BTRC: variants seen among roughly 807,000 people sequenced by gnomAD.
BTRC encodes beta-transducin repeat containing E3 ubiquitin protein ligase, also known as F-box/WD repeat-containing protein 1A.
Under a neutral mutation model 85.5 loss-of-function variants are expected in BTRC, and 42 were observed. The observed-to-expected ratio is 0.49, with a 90% CI of 0.38 to 0.64. The LOEUF is 0.64. BTRC is among the 30% of genes least tolerant of loss of function. The pLI is 0.00. For missense variants in BTRC, 594 were observed against 743.5 expected, an observed-to-expected ratio of 0.80 and a Z score of 2.34; for synonymous variants, 255 against 263.3, an observed-to-expected ratio of 0.97 and a Z score of 0.30.
chr10:101,476,322 T>C (rs1206656269), intron 3 of BTRC, among the ~76,000 whole-genome samples: 1 of 152,098 alleles, frequency 6.6e-6, no homozygotes, highest in Admixed American at 6.5e-5. Context: ...AAAAGGACAT[T>C]AGTGGAAAAA....
chr10:101,433,490 A>G (rs956586686), intron 2 of BTRC, among the ~76,000 whole-genome samples: 1 of 152,118 alleles, frequency 6.6e-6, no homozygotes, highest in Non-Finnish European at 1.5e-5. Flanking sequence ...AATGGAGGAG[A>G]AGGAGGACAT....
intron 3 of BTRC, among the ~76,000 whole-genome samples, chr10:101,464,943 T>C (rs908799605): frequency 1.3e-5 from 2 of 152,132 alleles, no homozygotes; most frequent in African/African-American, 2.4e-5. Context: ...CAGGGGTCAA[T>C]AGAAGCGGGT....
At chr10:101,524,610 T>G (rs1300303216) in intron 5 of BTRC, among the ~76,000 whole-genome samples, 1 of 152,172 alleles carries the variant, frequency 6.6e-6, no homozygotes, top group Non-Finnish European at 1.5e-5. Flanking sequence ...AAGACTTATT[T>G]ATAGGTACAT....
chr10:101,498,374 C>T (rs565656726), intron 4 of BTRC, among the ~76,000 whole-genome samples: 29 of 151,994 alleles, frequency 1.9e-4, no homozygotes, highest in African/African-American at 6.7e-4. Flanking sequence ...AGGCTGGTCT[C>T]GAACTCCTGA....
chr10:101,393,751 C>G (rs956572858), intron 1 of BTRC, among the ~76,000 whole-genome samples: 1 of 152,266 alleles, frequency 6.6e-6, no homozygotes, highest in Non-Finnish European at 1.5e-5. Context: ...CACACTCCCC[C>G]ACCCTGGAGG....
intron 2 of BTRC, among the ~76,000 whole-genome samples, chr10:101,440,084 A>C (rs2134108032): frequency 6.6e-6 from 1 of 152,370 alleles, no homozygotes; most frequent in Non-Finnish European, 1.5e-5. Flanking sequence ...CTCATTAGGT[A>C]ATATGGAAGA....
intron 3 of BTRC, among the ~76,000 whole-genome samples, chr10:101,473,957 T>A (rs1420672164): frequency 1.3e-5 from 2 of 152,198 alleles, no homozygotes; most frequent in Non-Finnish European, 2.9e-5. Flanking sequence ...TAGTTTATTT[T>A]TGGTTTTTCA....
intron 1 of BTRC, among the ~76,000 whole-genome samples, chr10:101,390,768 AG>A (rs768553963): frequency 1.1e-4 from 14 of 126,930 alleles, no homozygotes; most frequent in Non-Finnish European, 1.9e-4. Context: ...GTCTTAAAAA[AG>A]AAAGAAAGAA....
rs1265691229 is a variant in BTRC at position 101,475,953 on chromosome 10, A to ATATATATATATATATATATATT, written c.235-3414_235-3413insATATATATATATATATATATTT. Reference sequence around the variant, plus strand: ...TATATATATATATATATATATATATATTCAGTAATTCCTAAGGGGAAAATA... The same window carrying ATATATATATATATATATATATT: ...TATATATATATATATATATATATATATATATATATATATATATATATTTTCAGTAATTCCTAAGGGGAAAATA... On this transcript the variant is annotated intron_variant, in intron 3 of 14. Coordinates refer to ENST00000370187, the MANE Select transcript of BTRC (RefSeq NM_033637.4). Among the ~76,000 whole-genome samples the ATATATATATATATATATATATT allele has an allele frequency of 3.2e-3, 430 of 133,664 alleles. 22 individuals are homozygous for ATATATATATATATATATATATT. The highest frequency in any genetic ancestry group is 7.6e-3 in the African/African-American group (259 of 33,874). The allele number at this position is 133,664 out of a possible 152,430, so 87.7% of individuals were successfully genotyped here. A position where few individuals can be genotyped will look rare whatever the true frequency, so the allele number is the denominator to read the frequency against.
chr10:101,370,179 A>G (rs941987433), intron 1 of BTRC, among the ~76,000 whole-genome samples: 6 of 152,184 alleles, frequency 3.9e-5, no homozygotes, highest in African/African-American at 1.2e-4. Flanking sequence ...GTGCAGTGGC[A>G]CAATCACAGC....
At chr10:101,488,747 T>C (rs1946053884) in intron 4 of BTRC, among the ~76,000 whole-genome samples, 1 of 152,152 alleles carries the variant, frequency 6.6e-6, no homozygotes, top group Non-Finnish European at 1.5e-5. Context: ...AAAATATTTT[T>C]TTCTTGATAC....
chr10:101,355,022 G>T (rs1196505614), intron 1 of BTRC, among the ~76,000 whole-genome samples: 1 of 152,194 alleles, frequency 6.6e-6, no homozygotes, highest in East Asian at 1.9e-4. Flanking sequence ...AGGACAAGGT[G>T]ATGAAAAGTA....
At chr10:101,395,048 T>G (rs1375550172) in intron 1 of BTRC, among the ~76,000 whole-genome samples, 1 of 152,186 alleles carries the variant, frequency 6.6e-6, no homozygotes, top group Non-Finnish European at 1.5e-5. Flanking sequence ...GTTATTGCAC[T>G]GTAACAAAAT....
intron 5 of BTRC, among the ~76,000 whole-genome samples, chr10:101,522,631 G>A (rs1407089653): frequency 1.3e-5 from 2 of 150,590 alleles, no homozygotes; most frequent in Non-Finnish European, 3.0e-5. Context: ...ATATTGGCCA[G>A]GCTGGTCTCA....
chr10:101,526,182 G>C lies in BTRC; in HGVS notation c.726G>C (p.Leu242=), dbSNP rs552991186. 1 of 1,614,052 alleles carries C rather than the reference G, an allele frequency of 6.2e-7. No individual in the cohort carries two copies. Among genetic ancestry groups the C allele is most frequent in the Non-Finnish European group, 8.5e-7 (1 of 1,179,950 alleles). Residue 242 remains leucine (L), a synonymous_variant, in exon 6 of 15, where the codon CTG becomes CTC. Coordinates refer to ENST00000370187, the MANE Select transcript of BTRC (RefSeq NM_033637.4). ...GGACAGATTCTCTGTGGAGAGGCCT[G>C]GCAGAACGAAGAGGATGGTGAGCCT... is the stretch of plus-strand genomic sequence containing the variant. The part of the protein sequence containing the change: ...MVRTDSLWRG[L]AERRGWGQYL...
intron 1 of BTRC, among the ~76,000 whole-genome samples, chr10:101,387,013 C>T (rs1189827122): frequency 6.6e-6 from 1 of 152,124 alleles, no homozygotes; most frequent in Non-Finnish European, 1.5e-5. Context: ...TGGCCCCCAG[C>T]ATCATTTATT....
intron 4 of BTRC, among the ~76,000 whole-genome samples, chr10:101,494,983 T>C (rs2134271473): frequency 6.6e-6 from 1 of 152,308 alleles, no homozygotes; most frequent in African/African-American, 2.4e-5. Flanking sequence ...AGGCTTTACG[T>C]TGAAAAAGGT....
intron 1 of BTRC, among the ~76,000 whole-genome samples, chr10:101,371,749 A>C (rs1024569549): frequency 1.3e-5 from 2 of 152,166 alleles, no homozygotes; most frequent in African/African-American, 4.8e-5. Flanking sequence ...GTCCGTGAGA[A>C]GTTTTATTTA....
chr10:101,495,584 C>T (rs536942659), intron 4 of BTRC, among the ~76,000 whole-genome samples: 2 of 152,210 alleles, frequency 1.3e-5, no homozygotes, highest in South Asian at 4.1e-4. Context: ...CTGTATGTGG[C>T]CATAGGTTTG....
Sources: allele counts gnomAD v4.1 joint callset (sites outside exome capture counted in the v4.1 genomes callset), GRCh38; gene constraint gnomAD v4.1.1; transcripts MANE v1.5; gene names NCBI Gene and HGNC (gene_info 2026-07-23, HGNC 2026-07-21).